Variants in PDE10A observed in about 807,000 individuals in gnomAD.
The protein encoded by PDE10A is phosphodiesterase 10A, also known as cAMP and cAMP-inhibited cGMP 3',5'-cyclic phosphodiesterase 10A.
PDE10A carries 39 observed loss-of-function variants against 97.7 expected under a neutral mutation model. The observed-to-expected ratio is 0.40, with a 90% CI of 0.31 to 0.52. The LOEUF (loss-of-function observed/expected upper bound fraction) is 0.52, where lower values mean the gene tolerates loss of function less well. Among genes scored for constraint, PDE10A ranks in the 20% least tolerant of loss-of-function variants. The pLI, the probability that PDE10A is intolerant of heterozygous loss-of-function variation, is 0.56. For missense variants in PDE10A, 731 were observed against 1,047.8 expected (o/e 0.70, Z 4.17); for synonymous variants, 371 against 376.8 (o/e 0.98, Z 0.18).
intron 1 of PDE10A, among the ~76,000 whole-genome samples, chr6:165,645,158 C>T (rs1789327530): frequency 6.6e-6 from 1 of 152,182 alleles, no homozygotes; most frequent in Admixed American, 6.5e-5. Context: ...TTTCATCCAG[C>T]ACCCCTGCCA....
chr6:165,970,397 T>A (rs991014448), intron 1 of PDE10A, among the ~76,000 whole-genome samples: 5 of 152,194 alleles, frequency 3.3e-5, no homozygotes, highest in Non-Finnish European at 7.3e-5. Flanking sequence ...TAAGAGAATG[T>A]CTTGGTGTGT....
chr6:165,332,756 G>C lies in PDE10A; in HGVS notation c.*269C>G, dbSNP rs1781409783. On this transcript the variant is annotated 3_prime_UTR_variant, in exon 22 of 22. Coordinates refer to ENST00000539869, the MANE Select transcript of PDE10A (RefSeq NM_001385079.1). ...CAGCAATATTAGCCTATTAGAAAAG[G>C]CTGGTTTGCAAGTCAAATGGAGTCA... 1 of 437,660 alleles carries C rather than the reference G, an allele frequency of 2.3e-6. No homozygotes were observed. The highest frequency in any genetic ancestry group is 3.6e-5 in the South Asian group (1 of 27,678). 27.1% of individuals were successfully genotyped at this position (437,660 alleles called of 1,614,324 possible). A position where few individuals can be genotyped will look rare whatever the true frequency, so the allele number is the denominator to read the frequency against.
intron 1 of PDE10A, among the ~76,000 whole-genome samples, chr6:165,784,248 A>G (rs899184455): frequency 6.6e-6 from 1 of 151,958 alleles, no homozygotes; most frequent in Non-Finnish European, 1.5e-5. Flanking sequence ...AAAAAGAAAT[A>G]AAAAGAAAAG....
chr6:165,811,368 A>C (rs1172314575), intron 1 of PDE10A, among the ~76,000 whole-genome samples: 2 of 152,244 alleles, frequency 1.3e-5, no homozygotes, highest in Non-Finnish European at 2.9e-5. Flanking sequence ...GTCCTCATGC[A>C]GGCCACGCTA....
At chr6:165,940,033 ATCTGTGTGAT>A (rs1257436758) in intron 1 of PDE10A, 1 of 152,222 alleles carries the variant, frequency 6.6e-6, no homozygotes, top group Non-Finnish European at 1.5e-5. Flanking sequence ...ACAATCCCAC[ATCTGTGTGAT>A]GGGGGCAATG....
At chr6:165,521,294 G>C (rs988445001) in intron 2 of PDE10A, among the ~76,000 whole-genome samples, 5 of 152,012 alleles carry the variant, frequency 3.3e-5, no homozygotes, top group African/African-American at 1.2e-4. Context: ...AGACACAACA[G>C]AATTTAAATT....
intron 1 of PDE10A, among the ~76,000 whole-genome samples, chr6:165,888,573 C>G (rs141683797): frequency 6.6e-6 from 1 of 152,182 alleles, no homozygotes. Context: ...CGTGAGCCAC[C>G]GCACCTGGCC....
At chr6:165,592,303 A>G (rs1203666871) in intron 1 of PDE10A, among the ~76,000 whole-genome samples, 1 of 152,220 alleles carries the variant, frequency 6.6e-6, no homozygotes, top group Non-Finnish European at 1.5e-5. Flanking sequence ...AATTAACTCA[A>G]GATGGATTAA....
chr6:165,639,997 G>A (rs1789055000), intron 1 of PDE10A, among the ~76,000 whole-genome samples: 1 of 151,684 alleles, frequency 6.6e-6, no homozygotes, highest in Admixed American at 6.6e-5. Context: ...CTGAGCCCAG[G>A]AGGTTGAGGC....
intron 1 of PDE10A, among the ~76,000 whole-genome samples, chr6:165,938,017 C>G (rs1335283310): frequency 5.3e-5 from 8 of 152,224 alleles, no homozygotes; most frequent in Admixed American, 4.6e-4. Flanking sequence ...CTGACAATCT[C>G]TCCCACTTCC....
At chr6:165,651,397 T>C (rs73251584) in intron 1 of PDE10A, among the ~76,000 whole-genome samples, 5,868 of 152,288 alleles carry the variant, frequency 0.039, 384 homozygotes, top group African/African-American at 0.13. Context: ...GAACTCTTTA[T>C]ATATTAAGAA....
At position 165,393,299 on chromosome 6, in the gene PDE10A, C is replaced by T. The variant is rs183547271; in HGVS notation, c.2304-503G>A. ...TTCCAAAGTATTAAGGTTTATTACA[C>T]ACTCAAATTATTAAGTCACAAATGA... On this transcript the variant is annotated intron_variant, in intron 15 of 21. Coordinates refer to ENST00000539869, the MANE Select transcript of PDE10A (RefSeq NM_001385079.1). Among the ~76,000 whole-genome samples the T allele has an allele frequency of 1.8e-3, 274 of 152,140 alleles. 1 individual carries two copies. The highest frequency in any genetic ancestry group is 6.5e-3 in the African/African-American group (268 of 41,520).
At chr6:165,870,009 A>G (rs1472340331) in intron 1 of PDE10A, among the ~76,000 whole-genome samples, 1 of 152,124 alleles carries the variant, frequency 6.6e-6, no homozygotes, top group Non-Finnish European at 1.5e-5. Flanking sequence ...GAAAACATAG[A>G]TAAAACACAC....
At chr6:165,622,273 AGTGTGTGTGT>A (rs113616610) in intron 1 of PDE10A, among the ~76,000 whole-genome samples, 4,289 of 148,928 alleles carry the variant, frequency 0.029, 173 homozygotes, top group African/African-American at 0.096. Flanking sequence ...TGTGTTTGTG[AGTGTGTGTGT>A]GTGTGTGTGT....
At chr6:165,615,697 AATTAATTTTACTCAGTT>A (rs1787697475) in intron 1 of PDE10A, among the ~76,000 whole-genome samples, 2 of 152,356 alleles carry the variant, frequency 1.3e-5, no homozygotes, top group South Asian at 4.1e-4. Flanking sequence ...CAGTTTAGAT[AATTAATTTTACTCAGTT>A]ACTACCTAGT....
At chr6:165,575,694 A>G (rs1276193513) in intron 1 of PDE10A, among the ~76,000 whole-genome samples, 1 of 152,236 alleles carries the variant, frequency 6.6e-6, no homozygotes, top group Non-Finnish European at 1.5e-5. Flanking sequence ...ATCAAAGTCA[A>G]AAGAGTAGTC....
At chr6:165,650,878 C>T (rs1204584919) in intron 1 of PDE10A, among the ~76,000 whole-genome samples, 1 of 152,128 alleles carries the variant, frequency 6.6e-6, no homozygotes, top group Non-Finnish European at 1.5e-5. Flanking sequence ...GCTGGGACTA[C>T]AGGTGTGTGC....
intron 1 of PDE10A, among the ~76,000 whole-genome samples, chr6:165,959,609 C>T (rs529512016): frequency 2.0e-5 from 3 of 152,258 alleles, no homozygotes; most frequent in African/African-American, 7.2e-5. Context: ...GATAATGTTC[C>T]ATCCACACCC....
chr6:165,859,880 G>A (rs1315585885), intron 1 of PDE10A, among the ~76,000 whole-genome samples: 2 of 152,052 alleles, frequency 1.3e-5, no homozygotes, highest in Admixed American at 6.5e-5. Flanking sequence ...TGAATTAATG[G>A]CATTCTCAGC....
Sources: allele counts gnomAD v4.1 joint callset (sites outside exome capture counted in the v4.1 genomes callset), GRCh38; gene constraint gnomAD v4.1.1; transcripts MANE v1.5; gene names NCBI Gene and HGNC (gene_info 2026-07-23, HGNC 2026-07-21).